Variants in TSHZ2 observed in about 807,000 individuals in gnomAD.
TSHZ2 encodes the protein teashirt zinc finger homeobox 2, also known as teashirt homolog 2.
Under a neutral mutation model 74.4 loss-of-function variants are expected in TSHZ2, and 21 were observed. That is an observed-to-expected ratio of 0.28 (90% CI 0.20 to 0.41). The LOEUF is 0.41. Ranked by LOEUF, TSHZ2 falls within the 10% of genes least tolerant of loss-of-function variation. The pLI is 1.00. For missense variants in TSHZ2, 1,244 were observed against 1,293.5 expected, an observed-to-expected ratio of 0.96 and a Z score of 0.59; for synonymous variants, 540 against 515.3, an observed-to-expected ratio of 1.05 and a Z score of -0.65.
chr20:52,988,591 GAA>G (rs779291534), intron 1 of TSHZ2, among the ~76,000 whole-genome samples: 1 of 111,642 alleles, frequency 9.0e-6, no homozygotes, highest in African/African-American at 3.3e-5. Context: ...TTGTGTTGTA[GAA>G]AAAAAAAAAA....
chr20:53,402,541 T>G (rs1469029912), intron 2 of TSHZ2, among the ~76,000 whole-genome samples: 4 of 152,174 alleles, frequency 2.6e-5, no homozygotes, highest in African/African-American at 7.2e-5. Context: ...AGGATGCATT[T>G]CTCAAAATGT....
At chr20:53,022,320 T>C (rs781334308) in intron 1 of TSHZ2, among the ~76,000 whole-genome samples, 4 of 152,222 alleles carry the variant, frequency 2.6e-5, no homozygotes, top group African/African-American at 7.2e-5. Context: ...CCGTGGGATT[T>C]ATCTGTCTTT....
chr20:53,334,906 A>T (rs1395396314), intron 2 of TSHZ2, among the ~76,000 whole-genome samples: 12 of 151,950 alleles, frequency 7.9e-5, no homozygotes, highest in Admixed American at 7.2e-4. Context: ...CTGGTCTCGA[A>T]CTCCTGACCT....
intron 1 of TSHZ2, among the ~76,000 whole-genome samples, chr20:53,190,061 GGTGACC>G (rs1350188202): frequency 2.2e-4 from 23 of 106,126 alleles, no homozygotes; most frequent in African/African-American, 8.0e-4. Flanking sequence ...CTCCAGCCTG[GGTGACC>G]AAACAAGACC....
At chr20:53,333,664 G>A (rs1172192300) in intron 2 of TSHZ2, among the ~76,000 whole-genome samples, 2 of 152,150 alleles carry the variant, frequency 1.3e-5, no homozygotes, top group Non-Finnish European at 1.5e-5. Context: ...CACCATGTTA[G>A]CCAGGATGGT....
At chr20:53,120,123 G>A (rs1309893860) in intron 1 of TSHZ2, among the ~76,000 whole-genome samples, 4 of 152,132 alleles carry the variant, frequency 2.6e-5, no homozygotes, top group South Asian at 2.1e-4. Flanking sequence ...CATCCACCAC[G>A]GATACAATTC....
intron 2 of TSHZ2, among the ~76,000 whole-genome samples, chr20:53,284,500 G>A (rs1364568913): frequency 6.6e-6 from 1 of 152,102 alleles, no homozygotes; most frequent in Non-Finnish European, 1.5e-5. Context: ...GCTTGCATTG[G>A]TGAGCCGATT....
intron 2 of TSHZ2, among the ~76,000 whole-genome samples, chr20:53,415,502 C>T (rs1480986152): frequency 6.6e-6 from 1 of 152,012 alleles, no homozygotes; most frequent in Non-Finnish European, 1.5e-5. Context: ...CCCACACACA[C>T]AGCCTCCTAC....
At position 53,255,913 on chromosome 20, in the gene TSHZ2, A is replaced by G. The variant is rs1292897685; in HGVS notation, c.2455A>G (p.Met819Val). The change falls in exon 2 of 3, where the codon ATG (methionine) becomes GTG (valine). Residue 819 changes from methionine (M) to valine (V), a missense_variant. This residue lies in a region of TSHZ2 where 562 missense variants were observed against 544.0 expected (regional missense o/e 1.03). Coordinates refer to ENST00000371497, the MANE Select transcript of TSHZ2 (RefSeq NM_173485.6). This position sits in a 1 kb window ranked among gnomAD's most constrained non-coding sequence, Gnocchi z 4.1. ...AGCCTCCTCCTCCAGGGTCCCCCCC[A>G]TGAAGCTGGAAATGGATGTCAGGCG... ...KPASSSRVPP[M>V]KLEMDVRRFE... 1.2e-6 allele frequency: 2 copies of G among 1,614,138 alleles called. No individual in the cohort carries two copies. Among genetic ancestry groups the G allele is most frequent in the African/African-American group, 1.3e-5 (1 of 75,036 alleles).
intron 1 of TSHZ2, among the ~76,000 whole-genome samples, chr20:53,173,498 C>T (rs575953520): frequency 1.6e-4 from 25 of 152,138 alleles, no homozygotes; most frequent in Non-Finnish European, 3.4e-4. Context: ...ATCCCAGCTA[C>T]TCAGGAGGCT....
chr20:53,344,559 C>A (rs1024213122), intron 2 of TSHZ2, among the ~76,000 whole-genome samples: 3 of 151,642 alleles, frequency 2.0e-5, no homozygotes, highest in Non-Finnish European at 4.4e-5. Flanking sequence ...TATGAGAGAG[C>A]GAATGACAAA....
chr20:53,449,650 C>T (rs1984693116), intron 2 of TSHZ2, among the ~76,000 whole-genome samples: 2 of 152,252 alleles, frequency 1.3e-5, no homozygotes, highest in South Asian at 4.1e-4. Context: ...TCTTTCCACA[C>T]AGAGGACTAC....
intron 1 of TSHZ2, among the ~76,000 whole-genome samples, chr20:53,229,912 A>G (rs1240867500): frequency 6.9e-6 from 1 of 145,672 alleles, no homozygotes; most frequent in Non-Finnish European, 1.5e-5. Context: ...GGGGAAAAAA[A>G]GAGAAAGAAG....
At chr20:53,417,379 C>T (rs1402354574) in intron 2 of TSHZ2, among the ~76,000 whole-genome samples, 1 of 152,034 alleles carries the variant, frequency 6.6e-6, no homozygotes, top group Non-Finnish European at 1.5e-5. Context: ...TTACTGCAAC[C>T]TCTGCCTCCC....
At chr20:53,469,126 A>G (rs988148612) in intron 2 of TSHZ2, among the ~76,000 whole-genome samples, 2 of 141,594 alleles carry the variant, frequency 1.4e-5, no homozygotes, top group East Asian at 4.2e-4. Context: ...GGTTTCACTT[A>G]TAATTATTCA....
At chr20:53,313,717 A>G (rs1156568379) in intron 2 of TSHZ2, among the ~76,000 whole-genome samples, 2 of 152,214 alleles carry the variant, frequency 1.3e-5, no homozygotes, top group Non-Finnish European at 2.9e-5. Flanking sequence ...TAACCTGCAC[A>G]AGCTACTTGA....
chr20:53,252,414 G>A (rs1047453524), intron 1 of TSHZ2, among the ~76,000 whole-genome samples: 29 of 152,136 alleles, frequency 1.9e-4, no homozygotes, highest in South Asian at 2.1e-4. Context: ...CCTAAAACTG[G>A]ATCTCCTTTT....
At chr20:53,335,421 A>C (rs1470955495) in intron 2 of TSHZ2, among the ~76,000 whole-genome samples, 1 of 152,210 alleles carries the variant, frequency 6.6e-6, no homozygotes, top group Non-Finnish European at 1.5e-5. Context: ...AGACTTCTCC[A>C]GTTTGCCACT....
intron 1 of TSHZ2, among the ~76,000 whole-genome samples, chr20:53,133,969 G>GAA (rs3070080): frequency 0.03 from 3,800 of 127,880 alleles, 121 homozygotes; most frequent in African/African-American, 0.063. Flanking sequence ...CATTTTTTCT[G>GAA]AAAAAAAAAA....
Sources: gnomAD v4.1 joint callset for allele counts (sites outside exome capture counted in the v4.1 genomes callset) on GRCh38, gnomAD v4.1.1 for gene constraint, gnomAD v4.1.1 regional missense constraint, Gnocchi (gnomAD v3.1) non-coding constraint, MANE v1.5 for transcripts, NCBI Gene and HGNC (gene_info 2026-07-23, HGNC 2026-07-21) for gene names.